NOL4: variants seen among roughly 807,000 people sequenced by gnomAD.
The protein encoded by NOL4 is cancer/testis antigen 125.
A neutral mutation model predicts 75.9 loss-of-function variants in NOL4; 17 were observed. The observed-to-expected ratio is 0.22, with a 90% CI of 0.15 to 0.34. NOL4 has a LOEUF of 0.34. NOL4 is among the 10% of genes least tolerant of loss of function. The probability of loss-of-function intolerance (pLI) is 1.00; values close to 1 mark genes in which losing one functional copy is unlikely to be tolerated. For synonymous variants in NOL4, 292 were observed against 289.9 expected, an observed-to-expected ratio of 1.01 and a Z score of -0.07; for missense variants, 614 against 793.5, an observed-to-expected ratio of 0.77 and a Z score of 2.72.
chr18:33,907,579 A>G (rs2066139985), intron 9 of NOL4, among the ~76,000 whole-genome samples: 2 of 152,172 alleles, frequency 1.3e-5, no homozygotes. Flanking sequence ...AAACTTTTAG[A>G]AGCACAATGG....
intron 1 of NOL4, among the ~76,000 whole-genome samples, chr18:34,160,562 TG>T (rs552828546): frequency 1.3e-5 from 2 of 152,246 alleles, no homozygotes; most frequent in South Asian, 4.1e-4. Context: ...CATAAGGAAA[TG>T]AAAAGCATTT....
chr18:33,958,188 G>A, intron 7 of NOL4, 51 bp downstream of exon 7: 1 of 1,457,558 alleles, frequency 6.9e-7, no homozygotes, highest in Non-Finnish European at 9.4e-7. Flanking sequence ...GCAACAACAT[G>A]AAAGTGAAGT....
chr18:34,181,465 T>C (rs943711861), intron 1 of NOL4, among the ~76,000 whole-genome samples: 1 of 151,526 alleles, frequency 6.6e-6, no homozygotes, highest in Admixed American at 6.6e-5. Flanking sequence ...GCTATAACAA[T>C]CTTAGAAGAA....
chr18:33,986,129 A>G (rs1291130765), intron 6 of NOL4, among the ~76,000 whole-genome samples: 1 of 152,162 alleles, frequency 6.6e-6, no homozygotes. Context: ...AATTATGTAA[A>G]TCAACAAGTA....
At chr18:34,059,929 C>T (rs2077002467) in intron 5 of NOL4, among the ~76,000 whole-genome samples, 1 of 152,080 alleles carries the variant, frequency 6.6e-6, no homozygotes, top group African/African-American at 2.4e-5. Context: ...ATGAGCCTTC[C>T]AGCCTTCCCC....
chr18:33,945,109 T>G (rs549523751), intron 8 of NOL4, among the ~76,000 whole-genome samples: 17 of 152,018 alleles, frequency 1.1e-4, no homozygotes, highest in African/African-American at 4.1e-4. Flanking sequence ...GTTTATATCT[T>G]TATAAAGTAC....
intron 4 of NOL4, among the ~76,000 whole-genome samples, chr18:34,098,037 T>C (rs2078868862): frequency 6.6e-6 from 1 of 152,124 alleles, no homozygotes; most frequent in African/African-American, 2.4e-5. Context: ...TTTTGGTTAA[T>C]AAAGGAGGTT....
intron 1 of NOL4, among the ~76,000 whole-genome samples, chr18:34,131,585 C>A (rs1405675004): frequency 6.6e-6 from 1 of 152,028 alleles, no homozygotes. Context: ...AGCAAAGGAA[C>A]TGAGAGGGTT....
At chr18:33,974,067 A>C (rs901117976) in intron 6 of NOL4, among the ~76,000 whole-genome samples, 1 of 152,198 alleles carries the variant, frequency 6.6e-6, no homozygotes, top group Non-Finnish European at 1.5e-5. Context: ...GTCTACATTG[A>C]AAATCTGTTG....
At chr18:34,012,851 T>C (rs1200114675) in intron 6 of NOL4, among the ~76,000 whole-genome samples, 1 of 152,014 alleles carries the variant, frequency 6.6e-6, no homozygotes, top group African/African-American at 2.4e-5. Context: ...TTAGATACTA[T>C]TCCTTTCTGT....
At chr18:33,969,859 C>A (rs1366611499) in intron 6 of NOL4, among the ~76,000 whole-genome samples, 2 of 151,918 alleles carry the variant, frequency 1.3e-5, no homozygotes, top group East Asian at 3.9e-4. Flanking sequence ...CAATGAAAAT[C>A]TCTTCCGCTT....
chr18:34,024,465 T>C (rs1046214102), intron 5 of NOL4, among the ~76,000 whole-genome samples: 7 of 151,600 alleles, frequency 4.6e-5, no homozygotes, highest in African/African-American at 1.7e-4. Context: ...AGAAAAAAAA[T>C]TAAAAATTCC....
chr18:33,984,185 G>A (rs971903154), intron 6 of NOL4, among the ~76,000 whole-genome samples: 2 of 151,928 alleles, frequency 1.3e-5, no homozygotes, highest in South Asian at 2.1e-4. Context: ...ACCAACAAAC[G>A]AAATCTCAAT....
chr18:34,150,023 G>T (rs1488100771), intron 1 of NOL4, among the ~76,000 whole-genome samples: 6 of 151,506 alleles, frequency 4.0e-5, no homozygotes, highest in African/African-American at 1.5e-4. Flanking sequence ...TACTACCTAA[G>T]TTGCCTTGGG....
intron 1 of NOL4, among the ~76,000 whole-genome samples, chr18:34,153,795 C>T (rs1914985924): frequency 6.6e-6 from 1 of 152,144 alleles, no homozygotes; most frequent in African/African-American, 2.4e-5. Context: ...TTTCATCTAA[C>T]AGTCCAGTGA....
At chr18:34,100,561 C>T (rs2079000004) in intron 4 of NOL4, among the ~76,000 whole-genome samples, 1 of 152,200 alleles carries the variant, frequency 6.6e-6, no homozygotes, top group Non-Finnish European at 1.5e-5. Context: ...TATTGAAAAA[C>T]CTTTTTCCAG....
intron 2 of NOL4, among the ~76,000 whole-genome samples, chr18:34,119,883 A>G (rs1361598691): frequency 6.6e-6 from 1 of 152,040 alleles, no homozygotes; most frequent in Non-Finnish European, 1.5e-5. Context: ...CGGCCTCCCA[A>G]AGTGCTGGGA....
At chr18:34,049,874 CA>C (rs1046612655) in intron 5 of NOL4, among the ~76,000 whole-genome samples, 1 of 152,118 alleles carries the variant, frequency 6.6e-6, no homozygotes, top group African/African-American at 2.4e-5. Context: ...TTCAATGCCA[CA>C]TTGGCCTTCT....
chr18:33,937,008 C>T (rs2068102032), intron 9 of NOL4, among the ~76,000 whole-genome samples: 1 of 151,840 alleles, frequency 6.6e-6, no homozygotes, highest in South Asian at 2.1e-4. Flanking sequence ...GAGAAAAGAA[C>T]CCACAAATTT....
Sources: allele counts gnomAD v4.1 joint callset (sites outside exome capture counted in the v4.1 genomes callset), GRCh38; gene constraint gnomAD v4.1.1; transcripts MANE v1.5; gene names NCBI Gene and HGNC (gene_info 2026-07-23, HGNC 2026-07-21).